CAMK2A: variants seen among roughly 807,000 people sequenced by gnomAD.
CAMK2A encodes calcium/calmodulin-dependent protein kinase type II subunit alpha.
CAMK2A carries 7 observed loss-of-function variants against 79.2 expected under a neutral mutation model. That is an observed-to-expected ratio of 0.09 (90% CI 0.05 to 0.17). The LOEUF (loss-of-function observed/expected upper bound fraction) is 0.17, where lower values mean the gene tolerates loss of function less well. CAMK2A is among the 10% of genes least tolerant of loss of function. CAMK2A has a pLI of 1.00. For synonymous variants in CAMK2A, 242 were observed against 251.7 expected, an observed-to-expected ratio of 0.96 and a Z score of 0.36; for missense variants, 214 against 646.4, an observed-to-expected ratio of 0.33 and a Z score of 7.25.
chr5:150,246,652 T>C (rs1190409472), intron 12 of CAMK2A, among the ~76,000 whole-genome samples: 1 of 152,186 alleles, frequency 6.6e-6, no homozygotes, highest in Non-Finnish European at 1.5e-5. Flanking sequence ...ACTCTGACTA[T>C]CTGGGTAGCT....
At chr5:150,288,766 C>A (rs1051120777) in intron 1 of CAMK2A, among the ~76,000 whole-genome samples, 1 of 152,206 alleles carries the variant, frequency 6.6e-6, no homozygotes, top group Admixed American at 6.5e-5. Context: ...TGACACTCCA[C>A]ACCCTACTGG....
intron 15 of CAMK2A, among the ~76,000 whole-genome samples, chr5:150,235,893 CT>C: frequency 6.6e-6 from 1 of 152,298 alleles, no homozygotes; most frequent in South Asian, 2.1e-4. Flanking sequence ...GGCACAAGGA[CT>C]CCTCTTTCCT....
chr5:150,248,894 G>A (rs897083973), intron 11 of CAMK2A, among the ~76,000 whole-genome samples: 1 of 152,196 alleles, frequency 6.6e-6, no homozygotes, highest in Admixed American at 6.5e-5. Context: ...CAAGCAGGCT[G>A]GGGGCTAATG....
intron 8 of CAMK2A, 54 bp downstream of exon 8, chr5:150,251,928 C>G: frequency 2.5e-6 from 4 of 1,574,270 alleles, no homozygotes; most frequent in Non-Finnish European, 3.5e-6. Context: ...AGAGAGGGGG[C>G]CCCAGAGGCC....
intron 1 of CAMK2A, among the ~76,000 whole-genome samples, chr5:150,278,137 T>G (rs138693420): frequency 1.3e-5 from 2 of 152,202 alleles, no homozygotes; most frequent in African/African-American, 4.8e-5. Context: ...CTGGGTTTGT[T>G]GGGGAGATTA....
At chr5:150,282,680 C>A (rs1186483447) in intron 1 of CAMK2A, among the ~76,000 whole-genome samples, 1 of 152,252 alleles carries the variant, frequency 6.6e-6, no homozygotes, top group Non-Finnish European at 1.5e-5. Context: ...ATCTGTAAGA[C>A]AATGGAGCCC....
At chr5:150,271,601 C>A (rs1756752367) in intron 2 of CAMK2A, among the ~76,000 whole-genome samples, 1 of 152,216 alleles carries the variant, frequency 6.6e-6, no homozygotes, top group Non-Finnish European at 1.5e-5. Context: ...CCGCACTGCA[C>A]AAACCATGGA....
chr5:150,224,883 G>T (rs61159377), intron 17 of CAMK2A, among the ~76,000 whole-genome samples: 34,644 of 151,970 alleles, frequency 0.23, 4,681 homozygotes, highest in Non-Finnish European at 0.31. Flanking sequence ...AGTTTTGGCC[G>T]GGAGCAGTGA....
chr5:150,270,174 G>T (rs1159653483), intron 2 of CAMK2A, among the ~76,000 whole-genome samples: 1 of 152,236 alleles, frequency 6.6e-6, no homozygotes, highest in African/African-American at 2.4e-5. Flanking sequence ...GTATTAGGTT[G>T]GTGTTAATAG....
Position 150,252,000 on chromosome 5 carries a change from C to G in CAMK2A, c.580G>C (p.Val194Leu). Residue 194 changes from valine (V) to leucine (L), a missense_variant, in exon 8 of 19, where the codon GTG (valine) becomes CTG (leucine). Around this residue, in one of 4 missense-constraint regions of CAMK2A, gnomAD observed 72 missense variants for 333.9 expected, o/e 0.22. Transcript: ENST00000671881. ...AACTCACCACAAGCCCACAGGTCCACAGGCTTCCCGTACGGGTCCTTCCGC... is the reference window on the plus strand; with the variant it reads ...AACTCACCACAAGCCCACAGGTCCAGAGGCTTCCCGTACGGGTCCTTCCGC... ...VLRKDPYGKP[V>L]DLWACGVILY... 6.2e-7 allele frequency: 1 copy of G among 1,613,958 alleles called. No homozygotes were observed. The highest frequency in any genetic ancestry group is 8.5e-7 in the Non-Finnish European group (1 of 1,179,856).
In CAMK2A at chr5:150,245,146, C is replaced by G. The variant is rs774900429; in HGVS notation, c.984+15G>C. On this transcript the variant is annotated intron_variant, in intron 13 of 18. Transcript: ENST00000671881. ...TGCCAGAGCCAAGCCCTGCCAGGCT[C>G]CTGGAGGGGCTTACCTTCACACCAT... The G allele has an allele frequency of 3.1e-6, 5 of 1,613,256 alleles. No individual in the cohort carries two copies. The South Asian group carries it at 5.5e-5, about 18-fold the overall frequency.
chr5:150,229,098 G>A (rs1457884734), intron 16 of CAMK2A, among the ~76,000 whole-genome samples: 1 of 152,194 alleles, frequency 6.6e-6, no homozygotes, highest in Non-Finnish European at 1.5e-5. Flanking sequence ...AAATGTCCCA[G>A]GACAAGCAAA....
chr5:150,285,431 G>A (rs995342279), intron 1 of CAMK2A, among the ~76,000 whole-genome samples: 3 of 152,182 alleles, frequency 2.0e-5, no homozygotes, highest in Non-Finnish European at 2.9e-5. Context: ...TCTCTCCAAC[G>A]TGACATTGTC....
chr5:150,233,487 A>G (rs1462184190), intron 15 of CAMK2A, among the ~76,000 whole-genome samples: 2 of 152,188 alleles, frequency 1.3e-5, no homozygotes, highest in East Asian at 1.9e-4. Context: ...TTTTTAGACC[A>G]TGAGTGCCAC....
At chr5:150,265,769 C>G (rs1007936619) in intron 2 of CAMK2A, among the ~76,000 whole-genome samples, 3 of 151,988 alleles carry the variant, frequency 2.0e-5, no homozygotes, top group African/African-American at 7.2e-5. Context: ...TGGTGAAACC[C>G]CATCTCTACT....
intron 16 of CAMK2A, among the ~76,000 whole-genome samples, 175 bp from the exon 17 acceptor site, chr5:150,228,461 T>C (rs1247072940): frequency 1.3e-5 from 2 of 152,152 alleles, no homozygotes; most frequent in Non-Finnish European, 2.9e-5. Flanking sequence ...ACTGACTGGT[T>C]GGTGCCATCT....
chr5:150,279,796 C>T (rs180887548), intron 1 of CAMK2A, among the ~76,000 whole-genome samples: 7 of 152,306 alleles, frequency 4.6e-5, no homozygotes, highest in Middle Eastern at 3.4e-3. Flanking sequence ...ACAGTGGGTC[C>T]GGCGCATGGC....
intron 1 of CAMK2A, among the ~76,000 whole-genome samples, chr5:150,286,183 C>T (rs1296230325): frequency 6.6e-6 from 1 of 152,160 alleles, no homozygotes; most frequent in South Asian, 2.1e-4. Context: ...TTGGGTCAAA[C>T]GAAGAGGGAT....
Position 150,232,436 on chromosome 5 carries a change from A to G in CAMK2A, c.1067-1056T>C, listed in dbSNP as rs367613419. On this transcript the variant is annotated intron_variant, in intron 15 of 18. Transcript: ENST00000671881. ...GCTCTTCACTAATACCCTGGGAGGT[A>G]GGCAAGGTCAGCTTCCTCCCAATTC... Among the ~76,000 whole-genome samples, 23 of 152,328 alleles carry G rather than the reference A, an allele frequency of 1.5e-4. No individual in the cohort carries two copies. The South Asian group carries it at 4.8e-3, about 32-fold the overall frequency.
Sources: allele counts gnomAD v4.1 joint callset (sites outside exome capture counted in the v4.1 genomes callset), GRCh38; gene constraint gnomAD v4.1.1; regional missense constraint gnomAD v4.1.1; transcripts MANE v1.5; gene names NCBI Gene and HGNC (gene_info 2026-07-23, HGNC 2026-07-21).